The following CA11 variants were observed in gnomAD, a reference collection of about 807,000 sequenced individuals.
CA11 encodes the protein carbonic anhydrase-related protein 11.
A neutral mutation model predicts 39.3 loss-of-function variants in CA11; 20 were observed. The ratio of observed to expected loss-of-function variants is 0.51; its 90% confidence interval spans 0.36 to 0.74. The LOEUF (loss-of-function observed/expected upper bound fraction) is 0.74. Among genes scored for constraint, CA11 ranks in the 30% least tolerant of loss-of-function variants. The probability of loss-of-function intolerance (pLI) is 0.00; values close to 1 mark genes in which losing one functional copy is unlikely to be tolerated. For missense variants in CA11, 336 were observed against 424.6 expected, an observed-to-expected ratio of 0.79 and a Z score of 1.83; for synonymous variants, 166 against 172.5, an observed-to-expected ratio of 0.96 and a Z score of 0.29.
chr19:48,638,409 A>T, intron 8 of CA11: 1 of 913,998 alleles, frequency 1.1e-6, no homozygotes, highest in Non-Finnish European at 1.3e-6. Context: ...CCATGTTGCG[A>T]AGCCGGGGGT....
chr19:48,639,445 G>A lies in CA11; in HGVS notation c.655C>T (p.Leu219Phe). Residue 219 changes from leucine (L) to phenylalanine (F), a missense_variant, in exon 7 of 9, where the codon CTT becomes TTT. Leu to Phe is a conservative substitution (Grantham distance 22). Coordinates refer to ENST00000084798, the MANE Select transcript of CA11 (RefSeq NM_001217.5). ...RISYKNDAYF[L>F]QDLSLELLFP... ...AGGAGCTCCAGGCTCAGGTCTTGAAGAAAGTAGGCATCATCTGCGGGAATA... is the reference window on the plus strand; with the variant it reads ...AGGAGCTCCAGGCTCAGGTCTTGAAAAAAGTAGGCATCATCTGCGGGAATA... 6.2e-7 allele frequency: 1 copy of A among 1,613,956 alleles called. No individual in the cohort carries two copies. Among genetic ancestry groups the A allele is most frequent in the Middle Eastern group, 1.6e-4 (1 of 6,062 alleles).
chr19:48,645,650 G>A lies in CA11; in HGVS notation c.-18C>T, dbSNP rs755383184. 6 of 1,542,736 alleles carry A rather than the reference G, an allele frequency of 3.9e-6. No individual in the cohort carries two copies. In the Admixed American group the frequency reaches 9.8e-5, roughly 25 times the overall value. On this transcript the variant is annotated 5_prime_UTR_variant, in exon 1 of 9. Coordinates refer to ENST00000084798, the MANE Select transcript of CA11 (RefSeq NM_001217.5). Reference sequence around the variant, plus strand: ...GCCCCCATCCCCAGGAGGCCTCCGAGGGACCCCTGCCCAACGCCCTGCCCC... The same window carrying A: ...GCCCCCATCCCCAGGAGGCCTCCGAAGGACCCCTGCCCAACGCCCTGCCCC...
At chr19:48,638,802 G>A in intron 8 of CA11, 86 bp downstream of exon 8, 1 of 1,344,962 alleles carries the variant, frequency 7.4e-7, no homozygotes, top group Non-Finnish European at 1.0e-6. Flanking sequence ...GAAGGAGGAT[G>A]GGACTGAATC....
At chr19:48,640,420 G>A in intron 3 of CA11, 140 bp from the exon 4 acceptor site, 1 of 686,936 alleles carries the variant, frequency 1.5e-6, no homozygotes, top group Non-Finnish European at 2.3e-6. Flanking sequence ...TGTTGCCCAG[G>A]CTGGAGTGCA....
In CA11 at chr19:48,640,091, C is replaced by G; in HGVS notation, c.471+4G>C. 1 of 1,611,022 alleles carries G rather than the reference C, an allele frequency of 6.2e-7. No individual in the cohort carries two copies. The highest frequency in any genetic ancestry group is 1.7e-4 in the Middle Eastern group (1 of 6,020). ...GTGGCGGGTAAACAATCAGTGGCCACTACCTCAGCAGAGAAGCCCTGGTGG... is the reference window on the plus strand; with the variant it reads ...GTGGCGGGTAAACAATCAGTGGCCAGTACCTCAGCAGAGAAGCCCTGGTGG... On this transcript the variant is annotated splice_donor_region_variant and intron_variant, in intron 4 of 8. Coordinates refer to ENST00000084798, the MANE Select transcript of CA11 (RefSeq NM_001217.5).
At chr19:48,640,875 C>G (rs982468188) in intron 3 of CA11, among the ~76,000 whole-genome samples, 11 of 151,194 alleles carry the variant, frequency 7.3e-5, no homozygotes, top group South Asian at 4.2e-4. Flanking sequence ...GGGGTTTCAC[C>G]GTGTTAACCA....
rs1027065744 is a variant in CA11 at position 48,645,851 on chromosome 19, T to C, written c.-219A>G. 1.9e-6 allele frequency: 1 copy of C among 529,538 alleles called. No homozygotes were observed. The highest frequency in any genetic ancestry group is 3.3e-6 in the Non-Finnish European group (1 of 302,894). 32.8% of individuals were successfully genotyped at this position (529,538 alleles called of 1,614,324 possible). A position where few individuals can be genotyped will look rare whatever the true frequency, so the allele number is the denominator to read the frequency against. ...TCCCGTCTCTCTGTGTCTTTCCTCT[T>C]TCCTCTGCTCTTTTCCCGGAACCCT... On this transcript the variant is annotated 5_prime_UTR_variant, in exon 1 of 9. Coordinates refer to ENST00000084798, the MANE Select transcript of CA11 (RefSeq NM_001217.5).
chr19:48,639,115 C>T, intron 7 of CA11, 62 bp from the exon 8 acceptor site: 1 of 1,595,776 alleles, frequency 6.3e-7, no homozygotes, highest in Non-Finnish European at 8.6e-7. Context: ...TGACGTCACG[C>T]AGGAAACCCC....
intron 8 of CA11, 69 bp from the exon 9 acceptor site, chr19:48,638,213 C>T: frequency 1.7e-6 from 2 of 1,170,684 alleles, no homozygotes; most frequent in South Asian, 3.4e-5. Flanking sequence ...GTGCAGGGGG[C>T]GTGGGCTGCG....
chr19:48,639,532 G>C lies in CA11; in HGVS notation c.640+17C>G. On this transcript the variant is annotated intron_variant, in intron 6 of 8. Transcript: ENST00000084798. ...CCCTCGTGTGTGACCACTGCCCCCA[G>C]CACGCCAGGGACTTACTCTTGTAGG... 6.2e-7 allele frequency: 1 copy of C among 1,613,976 alleles called. No homozygotes were observed. Among genetic ancestry groups the C allele is most frequent in the South Asian group, 1.1e-5 (1 of 91,086 alleles).
intron 8 of CA11, 58 bp downstream of exon 8, chr19:48,638,830 G>A (rs1393022769): frequency 3.4e-6 from 5 of 1,470,362 alleles, no homozygotes; most frequent in Non-Finnish European, 4.5e-6. Flanking sequence ...GACACCAAGG[G>A]GAGACACATA....
chr19:48,638,761 C>T (rs992741704), intron 8 of CA11, 127 bp downstream of exon 8: 1 of 1,035,884 alleles, frequency 9.7e-7, no homozygotes, highest in African/African-American at 1.6e-5. Flanking sequence ...GAAAAAGAGA[C>T]AGCTCACGAG....
At chr19:48,645,310 G>C in intron 2 of CA11, 93 bp downstream of exon 2, 3 of 1,101,134 alleles carry the variant, frequency 2.7e-6, no homozygotes, top group East Asian at 2.6e-5. Context: ...TCCTGGTCCT[G>C]GGGGGGAGGA....
Position 48,643,459 on chromosome 19 carries a change from C to T in CA11, c.285+968G>A, listed in dbSNP as rs767797937. ...TCCTAACCTCGTGATCCACCCACCT[C>T]GGCCTCCCGAAGTGCTGGGGTTACA... On this transcript the variant is annotated intron_variant, in intron 3 of 8. Transcript: ENST00000084798. This position sits in a 1 kb window ranked among gnomAD's most constrained non-coding sequence, Gnocchi z 4.3. Among the ~76,000 whole-genome samples the T allele has an allele frequency of 5.9e-5, 9 of 152,134 alleles. No individual in the cohort carries two copies. Among genetic ancestry groups the T allele is most frequent in the East Asian group, 1.9e-4 (1 of 5,186 alleles).
chr19:48,642,500 AAAAAT>A (rs1031259730), intron 3 of CA11, among the ~76,000 whole-genome samples: 2 of 152,216 alleles, frequency 1.3e-5, no homozygotes, highest in African/African-American at 2.4e-5. Flanking sequence ...CTCCGACTCA[AAAAAT>A]AAAATAAAAT....
chr19:48,639,542 G>A lies in CA11; in HGVS notation c.640+7C>T. On this transcript the variant is annotated splice_region_variant and intron_variant, in intron 6 of 8. Transcript: ENST00000084798. ...TGACCACTGCCCCCAGCACGCCAGGGACTTACTCTTGTAGGAGATGCGAGT... is the reference window on the plus strand; with the variant it reads ...TGACCACTGCCCCCAGCACGCCAGGAACTTACTCTTGTAGGAGATGCGAGT... The A allele has an allele frequency of 6.2e-7, 1 of 1,614,000 alleles. No individual in the cohort carries two copies. The highest frequency in any genetic ancestry group is 8.5e-7 in the Non-Finnish European group (1 of 1,179,960).
At position 48,640,107 on chromosome 19, in the gene CA11, GC is replaced by G; in HGVS notation, c.458del (p.Gly153AlafsTer70). On this transcript the variant is annotated frameshift_variant, in exon 4 of 9. Transcript: ENST00000084798. LOFTEE classifies it high-confidence loss of function. ...AGSEHQINHQ[G>X]FSAEVQLIHF... is the part of the protein sequence containing the mutation. Reference sequence around the variant, plus strand: ...CAGTGGCCACTACCTCAGCAGAGAAGCCCTGGTGGTTGATCTGATGTTCCGA... The same window carrying G: ...CAGTGGCCACTACCTCAGCAGAGAAGCCTGGTGGTTGATCTGATGTTCCGA... 1 of 1,613,508 alleles carries G rather than the reference GC, an allele frequency of 6.2e-7. No homozygotes were observed.
rs763440696 is a variant in CA11, at chr19:48,640,049, G to A, written c.471+46C>T. On this transcript the variant is annotated intron_variant, in intron 4 of 8. Transcript: ENST00000084798. Reference sequence around the variant, plus strand: ...AGAGGGTGAGGTGGGAGGAATTGGGGTGACTCAGGGCGGAGGGTGGCGGGT... The same window carrying A: ...AGAGGGTGAGGTGGGAGGAATTGGGATGACTCAGGGCGGAGGGTGGCGGGT... 10 of 1,589,446 alleles carry A rather than the reference G, an allele frequency of 6.3e-6. No homozygotes were observed. The Admixed American group carries it at 1.7e-4, about 27-fold the overall frequency.
Position 48,638,983 on chromosome 19 carries a change from C to G in CA11, c.866G>C (p.Arg289Pro). The G allele has an allele frequency of 6.2e-7, 1 of 1,613,804 alleles. No individual in the cohort carries two copies. Among genetic ancestry groups the G allele is most frequent in the Non-Finnish European group, 8.5e-7 (1 of 1,179,928 alleles). Residue 289 changes from arginine to proline, a missense_variant, in exon 8 of 9, where the codon CGG becomes CCG. Transcript: ENST00000084798. ...QIFQSLSGNS[R>P]PLQPLAHRAL... ...CCTGTGGGCCAAGGGCTGCAGGGGC[C>G]GGCTGTTACCGCTGAGGCTCTGGAA...
Sources: gnomAD v4.1 joint callset for allele counts (sites outside exome capture counted in the v4.1 genomes callset) on GRCh38, gnomAD v4.1.1 for gene constraint, Gnocchi (gnomAD v3.1) non-coding constraint, MANE v1.5 for transcripts, NCBI Gene and HGNC (gene_info 2026-07-23, HGNC 2026-07-21) for gene names.